The following ADAMTSL1 variants were observed in gnomAD, a reference collection of about 807,000 sequenced individuals.
The protein encoded by ADAMTSL1 is ADAMTS-like protein 1.
A neutral mutation model predicts 201.8 loss-of-function variants in ADAMTSL1; 126 were observed. The ratio of observed to expected loss-of-function variants is 0.62; its 90% CI spans 0.54 to 0.72. The LOEUF is 0.72. Among genes scored for constraint, ADAMTSL1 ranks in the 30% least tolerant of loss-of-function variants. The pLI, the probability that ADAMTSL1 is intolerant of heterozygous loss-of-function variation, is 0.00. For synonymous variants in ADAMTSL1, 1,121 were observed against 903.4 expected (o/e 1.24, Z -4.32); for missense variants, 2,679 against 2,277.8 (o/e 1.18, Z -3.59).
chr9:18,370,292 A>G (rs1286180587), intron 2 of ADAMTSL1, among the ~76,000 whole-genome samples: 1 of 151,980 alleles, frequency 6.6e-6, no homozygotes, highest in Non-Finnish European at 1.5e-5. Context: ...AAAAAAAAAA[A>G]AGAGGCACTG....
chr9:18,901,274 T>G (rs1189979573), intron 26 of ADAMTSL1, among the ~76,000 whole-genome samples: 3 of 152,214 alleles, frequency 2.0e-5, no homozygotes, highest in Non-Finnish European at 4.4e-5. Flanking sequence ...TTGCCACTAT[T>G]CCTGATTACA....
At chr9:18,081,783 A>G (rs191746837) in intron 1 of ADAMTSL1, among the ~76,000 whole-genome samples, 8 of 152,246 alleles carry the variant, frequency 5.3e-5, no homozygotes, top group African/African-American at 1.9e-4. Flanking sequence ...TTAGACTTTA[A>G]AGATTATTAA....
intron 1 of ADAMTSL1, among the ~76,000 whole-genome samples, chr9:18,126,025 C>T (rs1825715083): frequency 6.6e-6 from 1 of 152,084 alleles, no homozygotes; most frequent in Admixed American, 6.5e-5. Flanking sequence ...GCCTGACGTA[C>T]CTGCCACCAA....
intron 2 of ADAMTSL1, among the ~76,000 whole-genome samples, chr9:18,266,655 G>A (rs1832127846): frequency 6.6e-6 from 1 of 152,140 alleles, no homozygotes; most frequent in South Asian, 2.1e-4. Context: ...TCACCCTCCG[G>A]AAGGATGGCG....
chr9:18,193,714 A>G (rs1490760176), intron 2 of ADAMTSL1, among the ~76,000 whole-genome samples: 6 of 152,186 alleles, frequency 3.9e-5, no homozygotes, highest in Non-Finnish European at 8.8e-5. Flanking sequence ...GCCTACTCCC[A>G]TAGCCACATA....
intron 15 of ADAMTSL1, among the ~76,000 whole-genome samples, chr9:18,728,683 G>A (rs1818043204): frequency 6.6e-6 from 1 of 152,176 alleles, no homozygotes; most frequent in Non-Finnish European, 1.5e-5. Flanking sequence ...TATGCTGAAT[G>A]GTAAGGCCTA....
At chr9:18,524,741 G>T (rs747397415) in intron 2 of ADAMTSL1, among the ~76,000 whole-genome samples, 5 of 152,026 alleles carry the variant, frequency 3.3e-5, no homozygotes, top group Non-Finnish European at 7.4e-5. Flanking sequence ...GCTGGATTAC[G>T]TTTATTGATT....
intron 4 of ADAMTSL1, among the ~76,000 whole-genome samples, chr9:18,613,411 A>G (rs1825503250): frequency 6.6e-6 from 1 of 152,216 alleles, no homozygotes. Context: ...GCACATGCAC[A>G]TGTATGTTCA....
At chr9:18,661,842 A>G (rs192223282) in intron 8 of ADAMTSL1, 93 bp from the exon 9 acceptor site, 1 of 1,322,126 alleles carries the variant, frequency 7.6e-7, no homozygotes, top group African/African-American at 1.5e-5. Flanking sequence ...ATTGGGGAAT[A>G]ATTTCCATTG....
chr9:18,613,865 G>A (rs957734501), intron 4 of ADAMTSL1, among the ~76,000 whole-genome samples: 1 of 151,960 alleles, frequency 6.6e-6, no homozygotes, highest in Non-Finnish European at 1.5e-5. Context: ...TGCACATCAT[G>A]CACATGTACC....
At chr9:18,183,169 G>C (rs1828577787) in intron 2 of ADAMTSL1, among the ~76,000 whole-genome samples, 3 of 152,126 alleles carry the variant, frequency 2.0e-5, no homozygotes, top group African/African-American at 7.2e-5. Context: ...GGAACAACTG[G>C]ATGTCCACAT....
intron 2 of ADAMTSL1, among the ~76,000 whole-genome samples, chr9:18,351,579 A>G (rs1835966560): frequency 6.6e-6 from 1 of 152,158 alleles, no homozygotes; most frequent in Admixed American, 6.6e-5. Context: ...TTAAAAATAT[A>G]AATACTTAGT....
At chr9:18,528,568 T>C (rs1237100723) in intron 2 of ADAMTSL1, among the ~76,000 whole-genome samples, 1 of 152,176 alleles carries the variant, frequency 6.6e-6, no homozygotes, top group Non-Finnish European at 1.5e-5. Context: ...TAGTATTCCA[T>C]GGTGTATATG....
intron 1 of ADAMTSL1, among the ~76,000 whole-genome samples, chr9:18,499,114 A>ATC (rs1194598528): frequency 6.6e-6 from 1 of 152,254 alleles, no homozygotes; most frequent in Non-Finnish European, 1.5e-5. Context: ...GACAGGCTTC[A>ATC]TGCAGTGGCC....
chr9:18,339,813 C>A (rs1320533453), intron 2 of ADAMTSL1, among the ~76,000 whole-genome samples: 1 of 152,090 alleles, frequency 6.6e-6, no homozygotes, highest in Non-Finnish European at 1.5e-5. Context: ...TAAATGTCTT[C>A]AAGATTGTCT....
At chr9:18,630,130 T>C (rs1826658788) in intron 5 of ADAMTSL1, among the ~76,000 whole-genome samples, 1 of 152,178 alleles carries the variant, frequency 6.6e-6, no homozygotes, top group Non-Finnish European at 1.5e-5. Flanking sequence ...GTTACTGAAA[T>C]CAGTTTGAAC....
chr9:18,120,862 C>T (rs1587096462), intron 1 of ADAMTSL1, among the ~76,000 whole-genome samples: 1 of 152,140 alleles, frequency 6.6e-6, no homozygotes, highest in Middle Eastern at 3.4e-3. Flanking sequence ...AACTAAATTA[C>T]CTATTATTAA....
intron 1 of ADAMTSL1, among the ~76,000 whole-genome samples, chr9:17,976,516 A>G (rs975161267): frequency 6.6e-6 from 1 of 151,154 alleles, no homozygotes; most frequent in African/African-American, 2.4e-5. Flanking sequence ...TCTCAAAACA[A>G]TTTTTTTTTA....
At position 17,952,119 on chromosome 9, in the gene ADAMTSL1, C is replaced by CTT. The variant is rs541405219; in HGVS notation, c.87+45211_87+45212dup. Among the ~76,000 whole-genome samples, 314 of 139,698 alleles carry CTT rather than the reference C, an allele frequency of 2.2e-3. 1 individual carries two copies. Among genetic ancestry groups the CTT allele is most frequent in the African/African-American group, 2.9e-3 (113 of 38,454 alleles). The allele number at this position is 139,698 out of a possible 152,430, so 91.6% of individuals were successfully genotyped here. A position where few individuals can be genotyped will look rare whatever the true frequency, so the allele number is the denominator to read the frequency against. On this transcript the variant is annotated intron_variant, in intron 1 of 29. Transcript: ENST00000680146. ...GCCTGGCTAATTGGTTTCTTTCTTT[C>CTT]TTTTTTTTTTTTTTTGTAAAGATGG...
Sources: allele counts gnomAD v4.1 joint callset (sites outside exome capture counted in the v4.1 genomes callset), GRCh38; gene constraint gnomAD v4.1.1; transcripts MANE v1.5; gene names NCBI Gene and HGNC (gene_info 2026-07-23, HGNC 2026-07-21).